The following LLGL1 variants were observed in gnomAD, a reference collection of about 807,000 sequenced individuals.
LLGL1 encodes the protein LLGL scribble cell polarity complex component 1.
In LLGL1, 58 loss-of-function variants were observed where a neutral mutation model predicts 110.6. That is an observed-to-expected ratio of 0.52 (90% CI 0.42 to 0.65). The LOEUF is 0.65. Among genes scored for constraint, LLGL1 ranks in the 30% least tolerant of loss-of-function variants. The pLI is 0.00. For synonymous variants in LLGL1, 674 were observed against 607.2 expected (o/e 1.11, Z -1.62); for missense variants, 1,229 against 1,462.1 (o/e 0.84, Z 2.60).
rs143856264 is a variant in LLGL1 at position 18,242,513 on chromosome 17, C to G, written c.3001C>G (p.Pro1001Ala). 5.0e-6 allele frequency: 8 copies of G among 1,613,878 alleles called. No individual in the cohort carries two copies. The African/African-American group carries it at 9.3e-5, about 19-fold the overall frequency. ...TGATGACTTGCTCCCTGTAGACACCCCGGAGCCACCCGAGGCTGCACTCTC... is the reference window on the plus strand; with the variant it reads ...TGATGACTTGCTCCCTGTAGACACCGCGGAGCCACCCGAGGCTGCACTCTC... Reference protein sequence around the residue: ...DPAHSMGPDTPEPPEAALSPM... With the variant: ...DPAHSMGPDTAEPPEAALSPM... The change falls in exon 21 of 23, where the codon CCG becomes GCG. Residue 1001 changes from proline (P) to alanine (A), a missense_variant. Pro to Ala is a conservative substitution (Grantham distance 27). Transcript: ENST00000316843.
intron 1 of LLGL1, among the ~76,000 whole-genome samples, chr17:18,226,041 T>C (rs1340979141): frequency 6.6e-6 from 1 of 151,756 alleles, no homozygotes; most frequent in Non-Finnish European, 1.5e-5. Flanking sequence ...TGTGTGGGGG[T>C]CTGTCTCTGA....
intron 16 of LLGL1, among the ~76,000 whole-genome samples, chr17:18,239,929 G>A (rs1423885376): frequency 6.6e-6 from 1 of 152,104 alleles, no homozygotes; most frequent in African/African-American, 2.4e-5. Context: ...GGTCATCAGG[G>A]AGCAGGTGCC....
intron 2 of LLGL1, 46 bp downstream of exon 2, chr17:18,230,084 GCC>G: frequency 7.0e-7 from 1 of 1,435,712 alleles, no homozygotes; most frequent in South Asian, 1.2e-5. Context: ...AGGACCACCT[GCC>G]TGTAGTTCCC....
At chr17:18,241,312 A>T (rs969017111) in intron 17 of LLGL1, 139 bp from the exon 18 acceptor site, 1 of 1,056,264 alleles carries the variant, frequency 9.5e-7, no homozygotes, top group Non-Finnish European at 1.3e-6. Context: ...TGGGGCAGCC[A>T]GGTGTACAGG....
intron 18 of LLGL1, 51 bp from the exon 19 acceptor site, chr17:18,241,834 T>C (rs757029486): frequency 1.9e-6 from 3 of 1,600,882 alleles, no homozygotes; most frequent in African/African-American, 2.7e-5. Context: ...ACGGAGGAGC[T>C]GTGGTTGGTG....
At chr17:18,239,810 C>T (rs1413260282) in intron 16 of LLGL1, among the ~76,000 whole-genome samples, 1 of 151,610 alleles carries the variant, frequency 6.6e-6, no homozygotes, top group African/African-American at 2.4e-5. Context: ...GGGTTTTTAA[C>T]TTGTTCCACT....
At chr17:18,237,260 C>T in intron 13 of LLGL1, 1 of 603,450 alleles carries the variant, frequency 1.7e-6, no homozygotes, top group Non-Finnish European at 2.9e-6. Flanking sequence ...CCTCAGAGGG[C>T]AGGGACTAGT....
rs555288273 is a variant in LLGL1, at chr17:18,241,477, G to A, written c.2529G>A (p.Ala843=). 5.6e-6 allele frequency: 9 copies of A among 1,613,514 alleles called. No homozygotes were observed. Among genetic ancestry groups the A allele is most frequent in the Admixed American group, 3.3e-5 (2 of 60,006 alleles). The change falls in exon 18 of 23, where the codon GCG becomes GCA. Residue 843 remains alanine, a synonymous_variant. Transcript: ENST00000316843. ...TGTTCACACTGCCCAAGGTGAGCGC[G>A]AAGACCAAGTTCAAGCTGACGGCCC... ...FKVFTLPKVS[A]KTKFKLTAHE...
At chr17:18,231,460 A>G (rs4386179) in intron 2 of LLGL1, among the ~76,000 whole-genome samples, 119,695 of 152,160 alleles carry the variant, frequency 0.79, 47,337 homozygotes, top group African/African-American at 0.87. Flanking sequence ...ACCCTCTGTC[A>G]TGGGGCCCCC....
chr17:18,241,017 T>A, intron 17 of LLGL1, 144 bp downstream of exon 17: 2 of 900,690 alleles, frequency 2.2e-6, no homozygotes, highest in Admixed American at 6.1e-5. Flanking sequence ...CAGAAAACAC[T>A]CCCAGCCAGC....
At chr17:18,232,614 C>A in intron 3 of LLGL1, 38 bp downstream of exon 3, 1 of 1,613,942 alleles carries the variant, frequency 6.2e-7, no homozygotes, top group African/African-American at 1.3e-5. Flanking sequence ...TCCCTGTGGC[C>A]CCCATATCTA....
chr17:18,240,782 CCGAGCCCTA>C lies in LLGL1; in HGVS notation c.2416_2424del (p.Pro806_Glu808del). On this transcript the variant is annotated inframe_deletion, in exon 17 of 23. Transcript: ENST00000316843. This position sits in a 1 kb window ranked among gnomAD's most constrained non-coding sequence, Gnocchi z 5.3. ...TTGGACGGGCGTGGCCGCCCACTGC[CCGAGCCCTA>C]CGAGGCCTCACGGGACCTGGCGCAG... 6.2e-7 allele frequency: 1 copy of C among 1,601,548 alleles called. No individual in the cohort carries two copies. Among genetic ancestry groups the C allele is most frequent in the Non-Finnish European group, 8.5e-7 (1 of 1,173,886 alleles).
chr17:18,234,164 C>T lies in LLGL1; in HGVS notation c.703C>T (p.Leu235=). ...CTCGCAGTGTGTGGACCACATCTTC[C>T]TGGGGAACCAGGTATGTAGGTGAGG... The part of the protein sequence containing the change: ...QASQCVDHIF[L]GNQQLESLCW... The change falls in exon 6 of 23, where the codon CTG becomes TTG. Residue 235 remains leucine, a synonymous_variant. Coordinates refer to ENST00000316843, the MANE Select transcript of LLGL1 (RefSeq NM_004140.4). 1 of 1,602,292 alleles carries T rather than the reference C, an allele frequency of 6.2e-7. No individual in the cohort carries two copies. Among genetic ancestry groups the T allele is most frequent in the Non-Finnish European group, 8.5e-7 (1 of 1,172,130 alleles).
chr17:18,227,015 A>G (rs2047458613), intron 1 of LLGL1, among the ~76,000 whole-genome samples: 1 of 152,138 alleles, frequency 6.6e-6, no homozygotes, highest in Non-Finnish European at 1.5e-5. Flanking sequence ...GTGGGGTTGG[A>G]TTTTAGCCTT....
At chr17:18,238,705 G>T in intron 16 of LLGL1, 96 bp downstream of exon 16, 4 of 1,265,374 alleles carry the variant, frequency 3.2e-6, no homozygotes, top group South Asian at 1.3e-5. Context: ...GAGGTGGTGG[G>T]ACTGCACCTT....
intron 2 of LLGL1, 29 bp downstream of exon 2, chr17:18,230,067 TC>T: frequency 6.4e-7 from 1 of 1,556,728 alleles, no homozygotes; most frequent in Non-Finnish European, 8.8e-7. Context: ...GTGTTCAGGG[TC>T]TGTTCAGGAC....
intron 22 of LLGL1, among the ~76,000 whole-genome samples, 180 bp downstream of exon 22, chr17:18,243,002 C>T (rs1025065914): frequency 1.3e-5 from 2 of 152,270 alleles, no homozygotes; most frequent in Non-Finnish European, 2.9e-5. Context: ...GGTGCTCACA[C>T]AGACACCAGT....
chr17:18,230,297 G>T (rs577173653), intron 2 of LLGL1, among the ~76,000 whole-genome samples: 2 of 152,294 alleles, frequency 1.3e-5, no homozygotes, highest in African/African-American at 4.8e-5. Flanking sequence ...CTTGCTACGT[G>T]TCAGCCAGCC....
Position 18,234,295 on chromosome 17 carries a change from G to T in LLGL1, c.737G>T (p.Gly246Val). ...CAGCAGCTGGAGAGCCTATGCTGGG[G>T]GCGTGATAGCAGCACTGTGGTCAGC... is the stretch of plus-strand genomic sequence containing the variant. ...GNQQLESLCW[G>V]RDSSTVVSSH... Residue 246 changes from glycine to valine, a missense_variant, in exon 7 of 23, where the codon GGG becomes GTG. By Grantham distance (109) the Gly-to-Val change is moderately radical. Transcript: ENST00000316843. 6.2e-7 allele frequency: 1 copy of T among 1,606,620 alleles called. No homozygotes were observed. The highest frequency in any genetic ancestry group is 1.3e-5 in the African/African-American group (1 of 74,882).
Sources: allele counts gnomAD v4.1 joint callset (sites outside exome capture counted in the v4.1 genomes callset), GRCh38; gene constraint gnomAD v4.1.1; non-coding constraint Gnocchi (gnomAD v3.1); transcripts MANE v1.5; gene names NCBI Gene and HGNC (gene_info 2026-07-23, HGNC 2026-07-21).